ABCC4: variants seen among roughly 807,000 people sequenced by gnomAD.
ABCC4 encodes the protein ATP binding cassette subfamily C member 4 (PEL blood group), also known as ATP-binding cassette sub-family C member 4.
In ABCC4, 102 loss-of-function variants were observed where a neutral mutation model predicts 168.5. The ratio of observed to expected loss-of-function variants is 0.61; its 90% confidence interval spans 0.52 to 0.71. The LOEUF is 0.71. Among genes scored for constraint, ABCC4 ranks in the 30% least tolerant of loss-of-function variants. The pLI is 0.00. For synonymous variants in ABCC4, 617 were observed against 590.7 expected (o/e 1.04, Z -0.65); for missense variants, 1,402 against 1,605.8 (o/e 0.87, Z 2.17).
At chr13:95,209,702 C>T (rs1183432145) in intron 5 of ABCC4, 105 bp from the exon 6 acceptor site, 1 of 1,115,270 alleles carries the variant, frequency 9.0e-7, no homozygotes, top group East Asian at 2.7e-5. Flanking sequence ...AGATCCTAAA[C>T]AGAAATGGCC....
chr13:95,194,240 A>G (rs1183027044), intron 9 of ABCC4, among the ~76,000 whole-genome samples: 1 of 152,196 alleles, frequency 6.6e-6, no homozygotes. Context: ...CTGTCCACTT[A>G]CCACACGGTG....
chr13:95,218,037 G>A (rs185123486), intron 4 of ABCC4, among the ~76,000 whole-genome samples: 132 of 152,228 alleles, frequency 8.7e-4, no homozygotes, highest in East Asian at 3.1e-3. Flanking sequence ...GAGTAAAAAC[G>A]TTCTGAATAA....
chr13:95,189,196 C>A (rs1160608033), intron 9 of ABCC4, among the ~76,000 whole-genome samples: 1 of 137,810 alleles, frequency 7.3e-6, no homozygotes, highest in South Asian at 2.3e-4. Flanking sequence ...TGCTGTGGCG[C>A]GATCTCCGCT....
chr13:95,096,209 T>C (rs1204096006), intron 20 of ABCC4: 1 of 627,120 alleles, frequency 1.6e-6, no homozygotes, highest in South Asian at 1.9e-5. Flanking sequence ...ACATATTCAA[T>C]GGGCTGGCAG....
At chr13:95,271,903 C>A (rs2040857209) in intron 1 of ABCC4, among the ~76,000 whole-genome samples, 1 of 152,162 alleles carries the variant, frequency 6.6e-6, no homozygotes, top group Non-Finnish European at 1.5e-5. Context: ...ACATGCCTCT[C>A]CCCACCAACT....
chr13:95,180,617 T>C (rs924797437), intron 11 of ABCC4, among the ~76,000 whole-genome samples: 4 of 151,794 alleles, frequency 2.6e-5, no homozygotes, highest in African/African-American at 9.7e-5. Context: ...AAAAAGACAA[T>C]GCACCATTTT....
rs751318994 is a variant in ABCC4 at position 95,244,669 on chromosome 13, G to GAAATAAAT, written c.306+2305_306+2306insATTTATTT. Among the ~76,000 whole-genome samples the GAAATAAAT allele has an allele frequency of 4.4e-4, 30 of 68,028 alleles. 5 individuals carry two copies. Among genetic ancestry groups the GAAATAAAT allele is most frequent in the African/African-American group, 1.4e-3 (18 of 13,178 alleles). The allele number at this position is 68,028 out of a possible 152,430, so 44.6% of individuals were successfully genotyped here. On this transcript the variant is annotated intron_variant, in intron 3 of 30. Transcript: ENST00000645237. The stretch of plus-strand genomic sequence containing the variant: ...AGAAAGAAAGAAAGAAAGAAAGAAA[G>GAAATAAAT]AAATCATAGCAGTTCCTGGTACATA...
At chr13:95,147,028 A>G (rs1034753085) in intron 19 of ABCC4, among the ~76,000 whole-genome samples, 3 of 152,212 alleles carry the variant, frequency 2.0e-5, no homozygotes, top group Admixed American at 2.0e-4. Context: ...TTATTTCTAA[A>G]AGAGTTGCAC....
At chr13:95,283,463 G>A (rs2041181302) in intron 1 of ABCC4, among the ~76,000 whole-genome samples, 1 of 147,286 alleles carries the variant, frequency 6.8e-6, no homozygotes. Flanking sequence ...TTGAACTCCT[G>A]GGCTCAAGCA....
At chr13:95,246,871 CA>C in intron 3 of ABCC4, 103 bp downstream of exon 3, 1 of 1,349,240 alleles carries the variant, frequency 7.4e-7, no homozygotes, top group Non-Finnish European at 1.0e-6. Context: ...CCCATCTGGC[CA>C]CTTCTCCCTT....
chr13:95,041,752 TC>T (rs1241082605), intron 29 of ABCC4, among the ~76,000 whole-genome samples: 11 of 152,212 alleles, frequency 7.2e-5, no homozygotes, highest in Admixed American at 3.3e-4. Context: ...TTTATGGTGT[TC>T]CCCCGAATTG....
chr13:95,147,578 T>G (rs1207728866), intron 19 of ABCC4, among the ~76,000 whole-genome samples: 1 of 152,180 alleles, frequency 6.6e-6, no homozygotes, highest in African/African-American at 2.4e-5. Context: ...TTAGGTCAAC[T>G]TTAACTTTCA....
At chr13:95,232,676 C>CAAA (rs60401581) in intron 4 of ABCC4, among the ~76,000 whole-genome samples, 1 of 132,262 alleles carries the variant, frequency 7.6e-6, no homozygotes, top group Non-Finnish European at 1.6e-5. Context: ...GACTTCATCT[C>CAAA]AAAAAAAAAA....
chr13:95,047,536 G>A (rs1241641785), intron 27 of ABCC4, among the ~76,000 whole-genome samples: 1 of 133,476 alleles, frequency 7.5e-6, no homozygotes, highest in African/African-American at 2.9e-5. Flanking sequence ...TTGGAGTGCA[G>A]TGGTGCGATC....
intron 1 of ABCC4, among the ~76,000 whole-genome samples, chr13:95,262,958 C>T (rs1188013198): frequency 2.0e-5 from 3 of 152,054 alleles, no homozygotes; most frequent in African/African-American, 4.8e-5. Flanking sequence ...CTTATTCCCG[C>T]TCTTAGAGTA....
chr13:95,076,265 C>T (rs1006483492), intron 21 of ABCC4, among the ~76,000 whole-genome samples: 4 of 152,134 alleles, frequency 2.6e-5, no homozygotes, highest in Non-Finnish European at 5.9e-5. Context: ...AGGAACCGGA[C>T]AGATGTTTTT....
At chr13:95,178,558 A>C (rs1274079577) in intron 11 of ABCC4, among the ~76,000 whole-genome samples, 3 of 152,240 alleles carry the variant, frequency 2.0e-5, no homozygotes, top group Admixed American at 1.3e-4. Context: ...GTCTGAGCAG[A>C]GACCTGTCAG....
intron 4 of ABCC4, among the ~76,000 whole-genome samples, chr13:95,233,488 A>G (rs1028512263): frequency 5.3e-5 from 8 of 152,084 alleles, no homozygotes; most frequent in Non-Finnish European, 8.8e-5. Flanking sequence ...AAGACACTGA[A>G]GACTACTAGA....
At chr13:95,023,135 T>G (rs960325442) in intron 30 of ABCC4, among the ~76,000 whole-genome samples, 1 of 152,114 alleles carries the variant, frequency 6.6e-6, no homozygotes, top group African/African-American at 2.4e-5. Context: ...AAAGAACAAA[T>G]AGACATTCAC....
Sources: allele counts gnomAD v4.1 joint callset (sites outside exome capture counted in the v4.1 genomes callset), GRCh38; gene constraint gnomAD v4.1.1; transcripts MANE v1.5; gene names NCBI Gene and HGNC (gene_info 2026-07-23, HGNC 2026-07-21).